The following AGBL4 variants were observed in gnomAD, a reference collection of about 807,000 sequenced individuals.
AGBL4 encodes the protein AGBL carboxypeptidase 4.
Under a neutral mutation model 66.4 loss-of-function variants are expected in AGBL4, and 58 were observed. The observed-to-expected ratio is 0.87, with a 90% CI of 0.71 to 1.09. The LOEUF is 1.09. Among genes scored for constraint, AGBL4 ranks in the 50% least tolerant of loss-of-function variants. AGBL4 has a pLI of 0.00. For missense variants in AGBL4, 579 were observed against 631.0 expected (o/e 0.92, Z 0.88); for synonymous variants, 234 against 222.9 (o/e 1.05, Z -0.44).
intron 3 of AGBL4, among the ~76,000 whole-genome samples, chr1:49,397,149 C>T (rs1461954527): frequency 2.6e-5 from 4 of 152,044 alleles, no homozygotes; most frequent in African/African-American, 9.7e-5. Context: ...TCCTAACAGG[C>T]CACAAACCAG....
At chr1:48,821,597 G>T (rs1430310350) in intron 6 of AGBL4, among the ~76,000 whole-genome samples, 1 of 152,154 alleles carries the variant, frequency 6.6e-6, no homozygotes, top group Admixed American at 6.5e-5. Flanking sequence ...TCCAAAAGCT[G>T]CGAGAGTGGG....
chr1:49,624,846 A>C (rs948207594), intron 3 of AGBL4, among the ~76,000 whole-genome samples: 21 of 152,204 alleles, frequency 1.4e-4, no homozygotes, highest in Non-Finnish European at 2.9e-4. Context: ...TTTTAAAGCA[A>C]CTATTGTTTT....
At chr1:48,562,364 T>C (rs1261133132) in intron 11 of AGBL4, among the ~76,000 whole-genome samples, 1 of 152,188 alleles carries the variant, frequency 6.6e-6, no homozygotes, top group Admixed American at 6.5e-5. Context: ...TTTTGTTCTT[T>C]GTAGAAACTT....
At chr1:49,221,005 G>A (rs1056163297) in intron 4 of AGBL4, among the ~76,000 whole-genome samples, 5 of 152,012 alleles carry the variant, frequency 3.3e-5, no homozygotes, top group Non-Finnish European at 7.4e-5. Context: ...TTAAAAGAAC[G>A]CAACCAAAAA....
At chr1:49,727,054 C>A (rs2124701799) in intron 2 of AGBL4, among the ~76,000 whole-genome samples, 1 of 152,252 alleles carries the variant, frequency 6.6e-6, no homozygotes, top group Non-Finnish European at 1.5e-5. Flanking sequence ...AATCTGTTAT[C>A]AGTAGAGGAA....
At chr1:49,579,046 C>T (rs1644491912) in intron 3 of AGBL4, among the ~76,000 whole-genome samples, 1 of 152,156 alleles carries the variant, frequency 6.6e-6, no homozygotes, top group Non-Finnish European at 1.5e-5. Context: ...AAGGCCTAGC[C>T]TCCTAGCTAA....
At chr1:49,515,752 G>C (rs1324184520) in intron 3 of AGBL4, among the ~76,000 whole-genome samples, 1 of 151,670 alleles carries the variant, frequency 6.6e-6, no homozygotes, top group Non-Finnish European at 1.5e-5. Context: ...CATGGATGAA[G>C]CTGGAAACCA....
At chr1:49,090,808 G>A (rs1420126791) in intron 4 of AGBL4, among the ~76,000 whole-genome samples, 2 of 152,154 alleles carry the variant, frequency 1.3e-5, no homozygotes, top group Non-Finnish European at 2.9e-5. Context: ...GAACAAAGCT[G>A]GAGGCATCAC....
intron 3 of AGBL4, among the ~76,000 whole-genome samples, chr1:49,530,274 A>AAAAAAAAAAAAAAAAAAAAC (rs1553221141): frequency 1.5e-5 from 2 of 134,762 alleles, no homozygotes; most frequent in African/African-American, 6.5e-5. Flanking sequence ...AAAAAAAAAC[A>AAAAAAAAAAAAAAAAAAAAC]AAAAAAAACT....
chr1:48,645,626 C>T (rs949379487), intron 8 of AGBL4, among the ~76,000 whole-genome samples: 3 of 152,076 alleles, frequency 2.0e-5, no homozygotes, highest in African/African-American at 7.2e-5. Flanking sequence ...AGGGGGGTAC[C>T]TAATCTACCT....
intron 5 of AGBL4, among the ~76,000 whole-genome samples, chr1:48,980,556 T>G (rs1483835709): frequency 6.6e-6 from 1 of 151,490 alleles, no homozygotes; most frequent in Non-Finnish European, 1.5e-5. Context: ...ACACTTGAGC[T>G]GGGCATGGTG....
At chr1:49,664,701 G>A (rs1430630508) in intron 3 of AGBL4, among the ~76,000 whole-genome samples, 2 of 152,054 alleles carry the variant, frequency 1.3e-5, no homozygotes, top group African/African-American at 4.8e-5. Flanking sequence ...CTCATATTCA[G>A]TGTATCCCAC....
At chr1:48,658,445 G>C (rs1221408948) in intron 7 of AGBL4, among the ~76,000 whole-genome samples, 1 of 152,146 alleles carries the variant, frequency 6.6e-6, no homozygotes, top group Non-Finnish European at 1.5e-5. Flanking sequence ...GCCACTCTAG[G>C]CCCTTCCTTG....
chr1:48,531,427 C>G (rs1030276335), downstream of AGBL4, among the ~76,000 whole-genome samples: 1 of 152,134 alleles, frequency 6.6e-6, no homozygotes, highest in African/African-American at 2.4e-5. Flanking sequence ...AACCCAGCAT[C>G]CCCCTAGAGA....
In AGBL4 at chr1:49,981,793, G is replaced by A. The variant is rs555290270; in HGVS notation, c.34+41970C>T. 2.0e-3 allele frequency among the ~76,000 whole-genome samples: 301 copies of A among 152,260 alleles called. 10 individuals are homozygous for A. In the South Asian group the frequency reaches 0.061, roughly 31 times the overall value. On this transcript the variant is annotated intron_variant, in intron 1 of 13. Transcript: ENST00000371839. ...CTAAACCAATTTCCTAATCTAGCCT[G>A]GGGACAATCTGGTAAATAAATCTGA...
At chr1:49,198,770 A>T (rs1647444027) in intron 4 of AGBL4, among the ~76,000 whole-genome samples, 1 of 151,486 alleles carries the variant, frequency 6.6e-6, no homozygotes, top group South Asian at 2.1e-4. Context: ...TAGTTACCTG[A>T]CCATTTCTTC....
rs553290667 is a variant in AGBL4, at chr1:49,333,186, A to G, written c.283-87322T>C. On this transcript the variant is annotated intron_variant, in intron 3 of 13. Transcript: ENST00000371839. ...CCAGAACTTAAAGTATAATAATAAT[A>G]ATAATAATAAAGGCTGGGCGCAGTG... Among the ~76,000 whole-genome samples the G allele has an allele frequency of 2.4e-4, 37 of 152,196 alleles. No homozygotes were observed. The South Asian group carries it at 7.3e-3, about 30-fold the overall frequency.
chr1:49,794,354 A>T (rs1644679500), intron 2 of AGBL4, among the ~76,000 whole-genome samples: 1 of 151,982 alleles, frequency 6.6e-6, no homozygotes, highest in Non-Finnish European at 1.5e-5. Context: ...AGAAGACAAG[A>T]TAATTAATTT....
intron 4 of AGBL4, among the ~76,000 whole-genome samples, chr1:49,105,127 T>C (rs749376429): frequency 6.6e-5 from 10 of 152,092 alleles, no homozygotes; most frequent in Non-Finnish European, 1.0e-4. Context: ...ACATTAAGAG[T>C]ATAGCTCTCT....
Sources: allele counts gnomAD v4.1 joint callset (sites outside exome capture counted in the v4.1 genomes callset), GRCh38; gene constraint gnomAD v4.1.1; transcripts MANE v1.5; gene names NCBI Gene and HGNC (gene_info 2026-07-23, HGNC 2026-07-21).